Variants in NEK5 observed in about 807,000 individuals in gnomAD.
NEK5 encodes the protein NIMA related kinase 5.
In NEK5, 88 loss-of-function variants were observed where a neutral mutation model predicts 109.2. The observed-to-expected ratio is 0.81, with a 90% CI of 0.68 to 0.96. The LOEUF (loss-of-function observed/expected upper bound fraction) is 0.96. NEK5 is among the 40% of genes least tolerant of loss of function. NEK5 has a pLI of 0.00. For missense variants in NEK5, 834 were observed against 920.7 expected, an observed-to-expected ratio of 0.91 and a Z score of 1.22; for synonymous variants, 283 against 299.9, an observed-to-expected ratio of 0.94 and a Z score of 0.58.
intron 22 of NEK5, among the ~76,000 whole-genome samples, chr13:52,060,029 T>C (rs903200389): frequency 6.6e-6 from 1 of 152,094 alleles, no homozygotes; most frequent in South Asian, 2.1e-4. Context: ...AAAAAGGTTT[T>C]TCAAATCCTT....
At chr13:52,103,151 G>A (rs752765759) in intron 9 of NEK5, among the ~76,000 whole-genome samples, 4 of 152,106 alleles carry the variant, frequency 2.6e-5, no homozygotes, top group South Asian at 2.1e-4. Flanking sequence ...CACATTGGCC[G>A]GGCATGGTGG....
At chr13:52,117,885 AAC>A (rs1279446407) in intron 4 of NEK5, among the ~76,000 whole-genome samples, 8 of 152,214 alleles carry the variant, frequency 5.3e-5, no homozygotes, top group Non-Finnish European at 1.0e-4. Context: ...AATAATCTCA[AAC>A]AAAATAAAGA....
At chr13:52,099,658 G>T in intron 12 of NEK5, 85 bp downstream of exon 12, 1 of 1,459,648 alleles carries the variant, frequency 6.9e-7, no homozygotes, top group Non-Finnish European at 9.4e-7. Context: ...GACAGAGCGA[G>T]ACTCCGTCTC....
Position 52,076,137 on chromosome 13 carries a change from C to T in NEK5, c.1579G>A (p.Glu527Lys), listed in dbSNP as rs139136964. The T allele has an allele frequency of 4.6e-4, 724 of 1,577,744 alleles. 1 individual carries two copies. Among genetic ancestry groups the T allele is most frequent in the Middle Eastern group, 2.2e-3 (13 of 5,966 alleles). Residue 527 changes from glutamate (E) to lysine (K), a missense_variant, in exon 18 of 24, where the codon GAA becomes AAA. Glu to Lys is a moderately conservative substitution (Grantham distance 56, BLOSUM62 1). Coordinates refer to ENST00000684899, the MANE Select transcript of NEK5 (RefSeq NM_001365552.1). Reference protein sequence around the residue: ...SEGEAPVQDIEKDLKQMRLQN... With the variant: ...SEGEAPVQDIKKDLKQMRLQN... ...AGCCTCATTTGTTTCAAGTCTTTTT[C>T]AATGTCCTGAAAATTTAGAGAAAAA...
intron 13 of NEK5, among the ~76,000 whole-genome samples, chr13:52,090,885 G>GCA (rs1955266968): frequency 6.6e-6 from 1 of 152,100 alleles, no homozygotes; most frequent in Non-Finnish European, 1.5e-5. Context: ...AATTAACCAG[G>GCA]TGTCGTGGCA....
intron 12 of NEK5, among the ~76,000 whole-genome samples, chr13:52,098,708 A>T (rs1276450050): frequency 6.6e-6 from 1 of 152,214 alleles, no homozygotes; most frequent in African/African-American, 2.4e-5. Context: ...TCCTATACAG[A>T]AAAATCTTAT....
chr13:52,089,663 A>G (rs1231983426), intron 13 of NEK5, among the ~76,000 whole-genome samples: 1 of 152,156 alleles, frequency 6.6e-6, no homozygotes, highest in Non-Finnish European at 1.5e-5. Flanking sequence ...CGCTTTGTGT[A>G]GGTGTCTAAT....
chr13:52,082,847 C>T (rs991328558), intron 17 of NEK5, among the ~76,000 whole-genome samples: 1 of 152,158 alleles, frequency 6.6e-6, no homozygotes, highest in African/African-American at 2.4e-5. Flanking sequence ...AGAGAGGCAT[C>T]TGAGTTTTTA....
At chr13:52,057,318 C>T (rs1258021017) in intron 22 of NEK5, among the ~76,000 whole-genome samples, 2 of 151,250 alleles carry the variant, frequency 1.3e-5, no homozygotes, top group African/African-American at 4.8e-5. Flanking sequence ...AGCTTACCAA[C>T]CAAAAAGAGT....
intron 20 of NEK5, among the ~76,000 whole-genome samples, chr13:52,066,843 T>C (rs564435422): frequency 6.6e-6 from 1 of 152,276 alleles, no homozygotes; most frequent in South Asian, 2.1e-4. Context: ...TTATTTCATT[T>C]TCTAATGTAT....
intron 20 of NEK5, among the ~76,000 whole-genome samples, chr13:52,068,466 T>TACACAC (rs5803591): frequency 0.016 from 2,344 of 148,202 alleles, 25 homozygotes; most frequent in East Asian, 0.04. Context: ...AATACACAAA[T>TACACAC]ACACACACAC....
chr13:52,063,944 A>G (rs1289394751), intron 21 of NEK5, among the ~76,000 whole-genome samples: 1 of 126,810 alleles, frequency 7.9e-6, no homozygotes, highest in African/African-American at 3.1e-5. Context: ...TCCGGGAGGG[A>G]GGTGGGGGGG....
rs529819984 is a variant in NEK5 at position 52,060,505 on chromosome 13, C to G, written c.2110+1314G>C. ...AAGTAGCTGGGATTACAGGCGCCTG[C>G]CACCATGCCCACCTAATTTTTGTAT... On this transcript the variant is annotated intron_variant, in intron 22 of 23. Transcript: ENST00000684899. 8.1e-4 allele frequency among the ~76,000 whole-genome samples: 123 copies of G among 152,278 alleles called. No homozygotes were observed. The South Asian group carries it at 0.024, about 30-fold the overall frequency.
chr13:52,064,185 C>G (rs1954646095), intron 21 of NEK5, among the ~76,000 whole-genome samples: 1 of 134,244 alleles, frequency 7.4e-6, no homozygotes, highest in African/African-American at 2.9e-5. Context: ...GTGGGGGGGT[C>G]AGCCCCCCGC....
intron 9 of NEK5, among the ~76,000 whole-genome samples, chr13:52,103,568 G>A (rs958494658): frequency 5.3e-5 from 8 of 152,232 alleles, no homozygotes; most frequent in Non-Finnish European, 8.8e-5. Flanking sequence ...TACAATGTTG[G>A]CCCGTGGCTG....
intron 13 of NEK5, among the ~76,000 whole-genome samples, chr13:52,090,820 T>C (rs561454744): frequency 6.6e-6 from 1 of 152,096 alleles, no homozygotes; most frequent in Non-Finnish European, 1.5e-5. Context: ...GGTCAGGAGA[T>C]TGAGACCCTC....
chr13:52,040,939 G>A (rs1954408238), intron 23 of NEK5, among the ~76,000 whole-genome samples: 1 of 152,130 alleles, frequency 6.6e-6, no homozygotes, highest in Non-Finnish European at 1.5e-5. Flanking sequence ...CAGAGATTGG[G>A]CTAAAACAGA....
At chr13:52,101,864 C>A (rs1955539243) in intron 11 of NEK5, 69 bp downstream of exon 11, 2 of 1,235,502 alleles carry the variant, frequency 1.6e-6, no homozygotes, top group Non-Finnish European at 2.4e-6. Flanking sequence ...GGTGAAATTT[C>A]CTTGCATTAC....
In NEK5 at chr13:52,034,175, C is replaced by CTAAT. The variant is rs1555306797; in HGVS notation, c.*2769_*2772dup. 2.0e-5 allele frequency: 3 copies of CTAAT among 152,098 alleles called. No homozygotes were observed. Among genetic ancestry groups the CTAAT allele is most frequent in the Non-Finnish European group, 4.4e-5 (3 of 68,018 alleles). 9.4% of individuals were successfully genotyped at this position (152,098 alleles called of 1,614,324 possible). A position where few individuals can be genotyped will look rare whatever the true frequency, so the allele number is the denominator to read the frequency against. ...CATGGCTAGCAAGACACTGATTTTT[C>CTAAT]TAATAAAAAAATTTTTAATGCATAC... On this transcript the variant is annotated 3_prime_UTR_variant, in exon 24 of 24. Transcript: ENST00000684899.
Sources: gnomAD v4.1 joint callset for allele counts (sites outside exome capture counted in the v4.1 genomes callset) on GRCh38, gnomAD v4.1.1 for gene constraint, MANE v1.5 for transcripts, NCBI Gene and HGNC (gene_info 2026-07-23, HGNC 2026-07-21) for gene names.